HS3ST4: variants seen among roughly 807,000 people sequenced by gnomAD.
HS3ST4 encodes heparan sulfate glucosamine 3-O-sulfotransferase 4.
HS3ST4 carries 17 observed loss-of-function variants against 29.2 expected under a neutral mutation model. The observed-to-expected ratio is 0.58, with a 90% CI of 0.40 to 0.87. The LOEUF (loss-of-function observed/expected upper bound fraction) is 0.87. HS3ST4 is among the 40% of genes least tolerant of loss of function. HS3ST4 has a pLI of 0.00. For missense variants in HS3ST4, 627 were observed against 634.5 expected, an observed-to-expected ratio of 0.99 and a Z score of 0.13; for synonymous variants, 314 against 285.7, an observed-to-expected ratio of 1.10 and a Z score of -1.00.
At chr16:25,990,693 A>G (rs967448857) in intron 1 of HS3ST4, among the ~76,000 whole-genome samples, 1 of 152,246 alleles carries the variant, frequency 6.6e-6, no homozygotes, top group Non-Finnish European at 1.5e-5. Flanking sequence ...AATAGAGATC[A>G]GAGTGAATAA....
chr16:25,923,203 C>G (rs1296540686), intron 1 of HS3ST4, among the ~76,000 whole-genome samples: 1 of 152,316 alleles, frequency 6.6e-6, no homozygotes, highest in East Asian at 1.9e-4. Context: ...CTAGTTTTCT[C>G]TTCTCTGGAA....
intron 1 of HS3ST4, among the ~76,000 whole-genome samples, chr16:25,990,441 T>C (rs1969104725): frequency 6.6e-6 from 1 of 152,252 alleles, no homozygotes; most frequent in Non-Finnish European, 1.5e-5. Flanking sequence ...TGTTTTGGAT[T>C]TTGACCATTT....
At chr16:25,929,682 C>T (rs34587248) in intron 1 of HS3ST4, among the ~76,000 whole-genome samples, 16,082 of 152,248 alleles carry the variant, frequency 0.11, 997 homozygotes, top group Non-Finnish European at 0.14. Flanking sequence ...GGGCTTCGCA[C>T]AGGTGACCAT....
At chr16:25,784,725 A>T (rs907267377) in intron 1 of HS3ST4, among the ~76,000 whole-genome samples, 11 of 152,256 alleles carry the variant, frequency 7.2e-5, no homozygotes, top group Admixed American at 6.5e-4. Flanking sequence ...TCTCCATAAC[A>T]TAAAAATGCG....
chr16:25,842,133 T>G (rs973130778), intron 1 of HS3ST4, among the ~76,000 whole-genome samples: 8 of 152,250 alleles, frequency 5.3e-5, no homozygotes, highest in Non-Finnish European at 1.0e-4. Flanking sequence ...GAGCATGCCC[T>G]TTTCCAGTGG....
At chr16:25,693,185 G>T (rs773833696) in intron 1 of HS3ST4, 34 bp downstream of exon 1, 3 of 1,518,132 alleles carry the variant, frequency 2.0e-6, no homozygotes, top group Non-Finnish European at 1.8e-6. Flanking sequence ...TGGTGGAGAC[G>T]CGTGGGGGAG....
chr16:25,715,688 C>T (rs779699546), intron 1 of HS3ST4, among the ~76,000 whole-genome samples: 9 of 152,308 alleles, frequency 5.9e-5, no homozygotes, highest in Middle Eastern at 3.4e-3. Flanking sequence ...TGAATTGGAG[C>T]GGAGTGACAG....
At chr16:25,724,308 A>G (rs892803634) in intron 1 of HS3ST4, among the ~76,000 whole-genome samples, 1 of 152,032 alleles carries the variant, frequency 6.6e-6, no homozygotes, top group Non-Finnish European at 1.5e-5. Context: ...CTGGGGCGAA[A>G]CAGAAGTTTA....
At chr16:25,963,143 A>G (rs565363641) in intron 1 of HS3ST4, among the ~76,000 whole-genome samples, 1 of 152,342 alleles carries the variant, frequency 6.6e-6, no homozygotes, top group Admixed American at 6.5e-5. Flanking sequence ...TTGATGTCAC[A>G]TTGACATCAT....
chr16:25,873,247 T>A (rs1967775173), intron 1 of HS3ST4, among the ~76,000 whole-genome samples: 1 of 151,098 alleles, frequency 6.6e-6, no homozygotes, highest in African/African-American at 2.4e-5. Flanking sequence ...TCCATCCAGC[T>A]AGCAAGCCAT....
chr16:26,129,741 G>A (rs1386984762), intron 1 of HS3ST4, among the ~76,000 whole-genome samples: 3 of 152,148 alleles, frequency 2.0e-5, no homozygotes, highest in Admixed American at 2.0e-4. Flanking sequence ...TCTAGATCCT[G>A]GAGTCTCTGA....
chr16:26,113,370 C>CG (rs550685676), intron 1 of HS3ST4, among the ~76,000 whole-genome samples: 1 of 150,084 alleles, frequency 6.7e-6, no homozygotes, highest in Non-Finnish European at 1.5e-5. Context: ...CGCTTGAAAC[C>CG]GGGGGGTAGA....
intron 1 of HS3ST4, among the ~76,000 whole-genome samples, chr16:25,711,397 CT>C (rs946587047): frequency 2.0e-5 from 3 of 152,024 alleles, no homozygotes; most frequent in African/African-American, 7.2e-5. Flanking sequence ...TCCCTTCCGC[CT>C]GGGCTATTTC....
intron 1 of HS3ST4, among the ~76,000 whole-genome samples, chr16:26,111,948 C>T (rs150715701): frequency 0.027 from 4,051 of 149,016 alleles, 346 homozygotes; most frequent in East Asian, 0.23. Context: ...ACCCGGGAGG[C>T]GGAGGTTGCA....
At chr16:25,713,943 AC>A (rs1966434477) in intron 1 of HS3ST4, among the ~76,000 whole-genome samples, 2 of 151,860 alleles carry the variant, frequency 1.3e-5, no homozygotes, top group African/African-American at 4.8e-5. Context: ...AGCTGCTAGG[AC>A]TCCGTGGCAT....
chr16:26,016,315 A>G (rs1007662844), intron 1 of HS3ST4, among the ~76,000 whole-genome samples: 1 of 152,180 alleles, frequency 6.6e-6, no homozygotes, highest in African/African-American at 2.4e-5. Flanking sequence ...GGTCAGAGTA[A>G]CTCATAGGTA....
intron 1 of HS3ST4, among the ~76,000 whole-genome samples, chr16:25,711,729 G>A (rs536881013): frequency 4.6e-5 from 7 of 152,282 alleles, no homozygotes; most frequent in African/African-American, 1.7e-4. Context: ...ACTTTATAAG[G>A]TGCAAAGTAC....
chr16:25,725,179 C>T (rs1306904592), intron 1 of HS3ST4, among the ~76,000 whole-genome samples: 1 of 151,970 alleles, frequency 6.6e-6, no homozygotes, highest in Non-Finnish European at 1.5e-5. Context: ...AATGCATGGG[C>T]ATGCAGCATT....
At chr16:25,801,143 G>A (rs1292026019) in intron 1 of HS3ST4, among the ~76,000 whole-genome samples, 1 of 152,002 alleles carries the variant, frequency 6.6e-6, no homozygotes, top group Non-Finnish European at 1.5e-5. Flanking sequence ...CTGGTCTGGG[G>A]GATTCATTTG....
Sources: allele counts gnomAD v4.1 joint callset (sites outside exome capture counted in the v4.1 genomes callset), GRCh38; gene constraint gnomAD v4.1.1; transcripts MANE v1.5; gene names NCBI Gene and HGNC (gene_info 2026-07-23, HGNC 2026-07-21).